The following HTR2C variants were observed in gnomAD, a reference collection of about 807,000 sequenced individuals.
HTR2C encodes 5-hydroxytryptamine receptor 2C, also known as 5-hydroxytryptamine (serotonin) receptor 2C, G protein-coupled.
Under a neutral mutation model 21.0 loss-of-function variants are expected in HTR2C, and 5 were observed. The observed-to-expected ratio is 0.24, with a 90% CI of 0.12 to 0.50. The LOEUF (loss-of-function observed/expected upper bound fraction) is 0.50, where lower values mean the gene tolerates loss of function less well. Among genes scored for constraint, HTR2C ranks in the 20% least tolerant of loss-of-function variants. The pLI, the probability that HTR2C is intolerant of heterozygous loss-of-function variation, is 0.98. For missense variants in HTR2C, 271 were observed against 371.2 expected (o/e 0.73, Z 2.22); for synonymous variants, 150 against 145.3 (o/e 1.03, Z -0.23).
chrX:114,874,936 T>C (rs1164812460), intron 5 of HTR2C, among the ~76,000 whole-genome samples: 5 of 112,034 alleles, frequency 4.5e-5, no homozygotes, highest in Non-Finnish European at 9.4e-5. Context: ...CTCTATATTT[T>C]GGATATTCAT....
intron 4 of HTR2C, among the ~76,000 whole-genome samples, chrX:114,821,542 A>G (rs951533160): frequency 5.4e-5 from 6 of 111,477 alleles, no homozygotes; most frequent in African/African-American, 2.0e-4. Flanking sequence ...ATCAAATTCC[A>G]TGGTAAATTA....
At chrX:114,772,698 G>A (rs2070017880) in intron 4 of HTR2C, among the ~76,000 whole-genome samples, 1 of 111,055 alleles carries the variant, frequency 9.0e-6, no homozygotes, top group Non-Finnish European at 1.9e-5. Context: ...AAGAGATGAA[G>A]CAAAAGCTGA....
intron 2 of HTR2C, among the ~76,000 whole-genome samples, chrX:114,651,921 AC>A (rs1171058397): frequency 8.9e-6 from 1 of 111,868 alleles, no homozygotes; most frequent in Non-Finnish European, 1.9e-5. Flanking sequence ...ATTTGGAAGA[AC>A]ATTATTATGA....
At chrX:114,670,437 T>C (rs1931338773) in intron 2 of HTR2C, among the ~76,000 whole-genome samples, 1 of 109,212 alleles carries the variant, frequency 9.2e-6, no homozygotes, top group African/African-American at 3.3e-5. Context: ...GCAACTCCTT[T>C]AGCAATTTAC....
At chrX:114,714,060 G>T (rs1932937983) in intron 2 of HTR2C, among the ~76,000 whole-genome samples, 1 of 111,857 alleles carries the variant, frequency 8.9e-6, no homozygotes, top group African/African-American at 3.2e-5. Context: ...TTTGTGGTCT[G>T]ATATTTTAGC....
At chrX:114,874,567 G>T (rs1556477502) in intron 5 of HTR2C, among the ~76,000 whole-genome samples, 1 of 109,977 alleles carries the variant, frequency 9.1e-6, no homozygotes, top group African/African-American at 3.3e-5. Flanking sequence ...GGGGTGCAAT[G>T]GCACGATCTC....
At chrX:114,843,486 G>A (rs1294106985) in intron 4 of HTR2C, among the ~76,000 whole-genome samples, 1 of 111,319 alleles carries the variant, frequency 9.0e-6, no homozygotes, top group African/African-American at 3.3e-5. Context: ...AGGGACCTTT[G>A]AGACACTATC....
In HTR2C at chrX:114,907,455, T is replaced by A; in HGVS notation, c.*40T>A. On this transcript the variant is annotated 3_prime_UTR_variant, in exon 6 of 6. Coordinates refer to ENST00000276198, the MANE Select transcript of HTR2C (RefSeq NM_000868.4). ...GTCTTTTCCTACGGTACAAGCTACATATGTAGGAAAATTTTCTTCTTTAAT... is the reference window on the plus strand; with the variant it reads ...GTCTTTTCCTACGGTACAAGCTACAAATGTAGGAAAATTTTCTTCTTTAAT... 2.0e-6 allele frequency: 2 copies of A among 996,791 alleles called. No homozygotes were observed. Among genetic ancestry groups the A allele is most frequent in the Non-Finnish European group, 2.8e-6 (2 of 720,203 alleles). 82.1% of individuals were successfully genotyped at this position (996,791 alleles called of 1,213,427 possible). A position where few individuals can be genotyped will look rare whatever the true frequency, so the allele number is the denominator to read the frequency against.
chrX:114,766,282 G>A (rs1329242800), intron 4 of HTR2C, among the ~76,000 whole-genome samples: 5 of 111,772 alleles, frequency 4.5e-5, no homozygotes, highest in African/African-American at 1.6e-4. Flanking sequence ...ATAGGGAGAT[G>A]AAAATAAGAA....
intron 1 of HTR2C, among the ~76,000 whole-genome samples, chrX:114,586,638 T>A (rs1242728152): frequency 9.0e-6 from 1 of 110,731 alleles, no homozygotes; most frequent in African/African-American, 3.3e-5. Flanking sequence ...TCTTGAGGGG[T>A]TTATCTCCAT....
intron 2 of HTR2C, among the ~76,000 whole-genome samples, chrX:114,682,298 A>C (rs782002244): frequency 5.4e-5 from 6 of 111,460 alleles, no homozygotes; most frequent in Non-Finnish European, 1.1e-4. Context: ...TTGAGATTAA[A>C]TTGGTGATTA....
intron 4 of HTR2C, among the ~76,000 whole-genome samples, chrX:114,769,330 GTTA>G (rs1312734691): frequency 9.0e-6 from 1 of 111,039 alleles, no homozygotes; most frequent in Non-Finnish European, 1.9e-5. Flanking sequence ...AGGAAAGGTA[GTTA>G]TTATTATTCA....
At chrX:114,622,130 G>T (rs191964021) in intron 2 of HTR2C, among the ~76,000 whole-genome samples, 3 of 111,536 alleles carry the variant, frequency 2.7e-5, no homozygotes, top group Admixed American at 1.9e-4. Context: ...TCACATAGCC[G>T]GACAGAGCAA....
chrX:114,881,557 T>A, intron 5 of HTR2C, among the ~76,000 whole-genome samples: 1 of 109,545 alleles, frequency 9.1e-6, no homozygotes, highest in Middle Eastern at 4.7e-3. Flanking sequence ...GTTTAGCATG[T>A]TGGTATTCAG....
chrX:114,678,270 GACACAC>G (rs200416814), intron 2 of HTR2C, among the ~76,000 whole-genome samples: 117 of 99,768 alleles, frequency 1.2e-3, no homozygotes, highest in Middle Eastern at 5.3e-3. Flanking sequence ...CTCTCTGTCT[GACACAC>G]ACACACACAC....
At chrX:114,884,150 C>T (rs1458117743) in intron 5 of HTR2C, among the ~76,000 whole-genome samples, 1 of 110,769 alleles carries the variant, frequency 9.0e-6, no homozygotes, top group Non-Finnish European at 1.9e-5. Flanking sequence ...TGTATATATT[C>T]CACAGTTTAT....
intron 2 of HTR2C, among the ~76,000 whole-genome samples, chrX:114,700,873 G>A (rs782245878): frequency 4.5e-4 from 51 of 112,383 alleles, no homozygotes; most frequent in Admixed American, 3.8e-3. Context: ...GCGCTTTTCC[G>A]ACGGGCTTAA....
At chrX:114,641,141 G>A (rs149407698) in intron 2 of HTR2C, among the ~76,000 whole-genome samples, 1 of 105,399 alleles carries the variant, frequency 9.5e-6, no homozygotes, top group Non-Finnish European at 1.9e-5. Flanking sequence ...TAGCACAATC[G>A]CAGCTCACTA....
At chrX:114,857,091 G>T (rs1385890630) in intron 5 of HTR2C, among the ~76,000 whole-genome samples, 3 of 110,547 alleles carry the variant, frequency 2.7e-5, no homozygotes, top group African/African-American at 9.8e-5. Context: ...ATAATTCTCC[G>T]ATTCTTTGCT....
Sources: allele counts gnomAD v4.1 joint callset (sites outside exome capture counted in the v4.1 genomes callset), GRCh38; gene constraint gnomAD v4.1.1; transcripts MANE v1.5; gene names NCBI Gene and HGNC (gene_info 2026-07-23, HGNC 2026-07-21).